Variants in NKAIN2 observed in about 807,000 individuals in gnomAD.
The protein encoded by NKAIN2 is sodium/potassium transporting ATPase interacting 2, also known as sodium/potassium-transporting ATPase subunit beta-1-interacting protein 2.
NKAIN2 carries 14 observed loss-of-function variants against 32.6 expected under a neutral mutation model. The ratio of observed to expected loss-of-function variants is 0.43; its 90% confidence interval spans 0.28 to 0.67. The LOEUF is 0.67. Among genes scored for constraint, NKAIN2 ranks in the 30% least tolerant of loss-of-function variants. NKAIN2 has a pLI of 0.17. For missense variants in NKAIN2, 198 were observed against 258.3 expected (o/e 0.77, Z 1.60); for synonymous variants, 80 against 87.2 (o/e 0.92, Z 0.46).
chr6:124,474,007 A>G (rs967801425), intron 3 of NKAIN2, among the ~76,000 whole-genome samples: 6 of 152,148 alleles, frequency 3.9e-5, no homozygotes, highest in Non-Finnish European at 7.4e-5. Flanking sequence ...TAACTTCAAA[A>G]TCAGCATTAT....
chr6:124,825,264 T>C lies in NKAIN2; in HGVS notation c.*2035T>C, dbSNP rs567202010. 1.5e-4 allele frequency: 23 copies of C among 152,722 alleles called. No homozygotes were observed. The highest frequency in any genetic ancestry group is 5.1e-4 in the African/African-American group (21 of 41,580). The allele number at this position is 152,722 out of a possible 1,614,324, so 9.5% of individuals were successfully genotyped here. On this transcript the variant is annotated 3_prime_UTR_variant, in exon 7 of 7. Coordinates refer to ENST00000368417, the MANE Select transcript of NKAIN2 (RefSeq NM_001040214.3). ...TATGGGTACAGAAAATAAACCCTCATATTCCTGCTTTAAGTTACAGCCAAG... is the reference window on the plus strand; with the variant it reads ...TATGGGTACAGAAAATAAACCCTCACATTCCTGCTTTAAGTTACAGCCAAG...
intron 1 of NKAIN2, among the ~76,000 whole-genome samples, chr6:124,195,135 T>C (rs1790255670): frequency 6.6e-6 from 1 of 151,856 alleles, no homozygotes; most frequent in African/African-American, 2.4e-5. Context: ...TTATACTTAT[T>C]ATATTCCTTT....
intron 4 of NKAIN2, among the ~76,000 whole-genome samples, chr6:124,739,078 C>CA (rs1318007658): frequency 7.7e-6 from 1 of 130,544 alleles, no homozygotes; most frequent in East Asian, 2.2e-4. Context: ...ATAAAGCAAA[C>CA]AAAATAGTTA....
intron 1 of NKAIN2, among the ~76,000 whole-genome samples, chr6:124,150,681 G>A (rs1360764710): frequency 6.6e-6 from 1 of 152,022 alleles, no homozygotes; most frequent in Non-Finnish European, 1.5e-5. Flanking sequence ...ATTTTTGAAA[G>A]CATATCTGTA....
intron 1 of NKAIN2, among the ~76,000 whole-genome samples, chr6:123,879,495 A>G (rs1295469801): frequency 6.6e-6 from 1 of 152,126 alleles, no homozygotes; most frequent in African/African-American, 2.4e-5. Context: ...ATATTCTTGA[A>G]ATTAGTGCTC....
intron 1 of NKAIN2, among the ~76,000 whole-genome samples, chr6:123,952,751 A>G (rs1777386251): frequency 1.3e-5 from 2 of 151,912 alleles, no homozygotes; most frequent in Admixed American, 1.3e-4. Flanking sequence ...GTTGTTTCTT[A>G]TGATATCTCT....
chr6:124,296,638 T>C (rs1477964202), intron 2 of NKAIN2, among the ~76,000 whole-genome samples: 1 of 152,126 alleles, frequency 6.6e-6, no homozygotes, highest in African/African-American at 2.4e-5. Context: ...TAAAAGAACA[T>C]AGACTCCATA....
chr6:124,263,162 GC>G (rs1794328576), intron 1 of NKAIN2, among the ~76,000 whole-genome samples: 1 of 152,080 alleles, frequency 6.6e-6, no homozygotes, highest in South Asian at 2.1e-4. Flanking sequence ...CACTATGATG[GC>G]TAAATACTAT....
At chr6:123,934,327 A>G (rs186165027) in intron 1 of NKAIN2, among the ~76,000 whole-genome samples, 1 of 152,162 alleles carries the variant, frequency 6.6e-6, no homozygotes, top group Admixed American at 6.5e-5. Flanking sequence ...CATTATCCTC[A>G]ATCTCAGTGC....
At chr6:124,570,948 G>A (rs909289293) in intron 3 of NKAIN2, among the ~76,000 whole-genome samples, 1 of 152,160 alleles carries the variant, frequency 6.6e-6, no homozygotes. Context: ...AAGCCACAGA[G>A]GCAGAGCTGC....
intron 1 of NKAIN2, among the ~76,000 whole-genome samples, chr6:123,939,461 C>A (rs1776716578): frequency 6.6e-6 from 1 of 151,952 alleles, no homozygotes; most frequent in Admixed American, 6.6e-5. Context: ...ATGGTAGTTT[C>A]TGCTTAAGCT....
intron 1 of NKAIN2, among the ~76,000 whole-genome samples, chr6:124,186,566 A>C (rs940418917): frequency 6.6e-6 from 1 of 152,206 alleles, no homozygotes; most frequent in Non-Finnish European, 1.5e-5. Flanking sequence ...GAAACTATGC[A>C]GGTTTATGAC....
At chr6:124,077,004 A>C (rs775193297) in intron 1 of NKAIN2, among the ~76,000 whole-genome samples, 1 of 152,236 alleles carries the variant, frequency 6.6e-6, no homozygotes, top group Non-Finnish European at 1.5e-5. Context: ...ACTATTTTTT[A>C]GATGAATGTA....
At chr6:123,965,333 G>T (rs1778022667) in intron 1 of NKAIN2, among the ~76,000 whole-genome samples, 1 of 152,116 alleles carries the variant, frequency 6.6e-6, no homozygotes, top group Non-Finnish European at 1.5e-5. Flanking sequence ...TTGGTGAAAT[G>T]CAAGATTAGA....
intron 3 of NKAIN2, among the ~76,000 whole-genome samples, chr6:124,486,839 TC>T (rs1777671392): frequency 6.6e-6 from 1 of 152,140 alleles, no homozygotes; most frequent in African/African-American, 2.4e-5. Flanking sequence ...CTCTGCCCGT[TC>T]CCTGAATCTA....
At chr6:124,369,114 T>C (rs1195405721) in intron 3 of NKAIN2, among the ~76,000 whole-genome samples, 2 of 152,250 alleles carry the variant, frequency 1.3e-5, no homozygotes, top group East Asian at 3.9e-4. Context: ...GATAGTATCC[T>C]GCTGGAAATA....
At chr6:123,906,514 A>G (rs1055204375) in intron 1 of NKAIN2, among the ~76,000 whole-genome samples, 1 of 152,072 alleles carries the variant, frequency 6.6e-6, no homozygotes, top group African/African-American at 2.4e-5. Flanking sequence ...GCTGGTCTTG[A>G]ATTCCTTGGC....
chr6:123,950,618 G>T (rs1234047163), intron 1 of NKAIN2, among the ~76,000 whole-genome samples: 1 of 151,472 alleles, frequency 6.6e-6, no homozygotes, highest in African/African-American at 2.4e-5. Flanking sequence ...ATGATCTTTT[G>T]TATTTGTATG....
intron 4 of NKAIN2, among the ~76,000 whole-genome samples, chr6:124,755,167 C>T (rs1021884831): frequency 1.3e-5 from 2 of 152,068 alleles, no homozygotes; most frequent in African/African-American, 4.8e-5. Context: ...GAGAGCCCCA[C>T]GCAAAGCACT....
Sources: gnomAD v4.1 joint callset for allele counts (sites outside exome capture counted in the v4.1 genomes callset) on GRCh38, gnomAD v4.1.1 for gene constraint, MANE v1.5 for transcripts, NCBI Gene and HGNC (gene_info 2026-07-23, HGNC 2026-07-21) for gene names.